Variants in EYS observed in about 807,000 individuals in gnomAD.
EYS encodes the protein protein eyes shut homolog.
A neutral mutation model predicts 282.1 loss-of-function variants in EYS; 250 were observed. That is an observed-to-expected ratio of 0.89 (90% CI 0.80 to 0.98). The LOEUF is 0.98. Ranked by LOEUF, EYS falls within the 50% of genes least tolerant of loss-of-function variation. The probability of loss-of-function intolerance (pLI) is 0.00; values close to 1 mark genes in which losing one functional copy is unlikely to be tolerated. For missense variants in EYS, 4,016 were observed against 3,709.0 expected, an observed-to-expected ratio of 1.08 and a Z score of -2.15; for synonymous variants, 1,355 against 1,282.9, an observed-to-expected ratio of 1.06 and a Z score of -1.20.
chr6:65,258,156 T>C (rs1269663638), intron 12 of EYS, among the ~76,000 whole-genome samples: 1 of 151,986 alleles, frequency 6.6e-6, no homozygotes, highest in African/African-American at 2.4e-5. Context: ...TAAATAAAGT[T>C]TTAAATAACT....
chr6:65,186,595 C>T (rs1197028168), intron 12 of EYS, among the ~76,000 whole-genome samples: 1 of 151,626 alleles, frequency 6.6e-6, no homozygotes, highest in African/African-American at 2.4e-5. Context: ...GATAAAAGTA[C>T]TTTGGAAATG....
intron 31 of EYS, among the ~76,000 whole-genome samples, chr6:64,128,915 A>G (rs910544701): frequency 6.6e-6 from 1 of 152,198 alleles, no homozygotes; most frequent in Non-Finnish European, 1.5e-5. Context: ...ATCTAGAATA[A>G]TAGCAGTCAG....
chr6:64,213,421 G>A (rs111566899), intron 31 of EYS, among the ~76,000 whole-genome samples: 3 of 152,214 alleles, frequency 2.0e-5, no homozygotes, highest in African/African-American at 7.2e-5. Flanking sequence ...AAAATGCATA[G>A]TATTTCAAAA....
chr6:65,572,706 T>G (rs1472563082), intron 2 of EYS, among the ~76,000 whole-genome samples: 3 of 152,130 alleles, frequency 2.0e-5, no homozygotes, highest in Non-Finnish European at 4.4e-5. Context: ...TCTTGGATGT[T>G]CATACAATAA....
At position 64,912,503 on chromosome 6, in the gene EYS, C is replaced by CTGA; in HGVS notation, c.2619_2621dup (p.Asn873_Gln874insHis). 2 of 1,551,024 alleles carry CTGA rather than the reference C, an allele frequency of 1.3e-6. No homozygotes were observed. Among genetic ancestry groups the CTGA allele is most frequent in the South Asian group, 2.4e-5 (2 of 84,044 alleles). On this transcript the variant is annotated inframe_insertion, in exon 16 of 43. Transcript: ENST00000503581. ...TCTTACCTTCTCTACAAATACAATG[C>CTGA]TGATTTGCGTCTACCAAAGCTAAGC...
chr6:64,703,408 CACATATAT>C (rs1363639341), intron 22 of EYS, among the ~76,000 whole-genome samples: 1 of 31,344 alleles, frequency 3.2e-5, no homozygotes, highest in African/African-American at 8.1e-5. Flanking sequence ...CACACACACA[CACATATAT>C]ATATATATAT....
At chr6:64,658,882 G>C (rs1768872445) in intron 22 of EYS, among the ~76,000 whole-genome samples, 1 of 152,198 alleles carries the variant, frequency 6.6e-6, no homozygotes, top group Admixed American at 6.5e-5. Flanking sequence ...TCTGCACCAA[G>C]TGGACCTAAT....
intron 26 of EYS, among the ~76,000 whole-genome samples, chr6:64,503,488 G>C (rs995557775): frequency 6.6e-6 from 1 of 152,126 alleles, no homozygotes; most frequent in Non-Finnish European, 1.5e-5. Flanking sequence ...AAGTGTTCTG[G>C]TGATTGTTAA....
Position 63,726,661 on chromosome 6 carries a change from T to C in EYS, c.8091A>G (p.Pro2697=). ...YCEQALSISD[P]SFRSNELSWM... is the part of the protein sequence containing the mutation. ...AGGATAACTCATTGCTTCTGAAAGA[T>C]GGATCACTTATGGATAAAGCTGAGG... Residue 2697 remains proline, a synonymous_variant, in exon 42 of 43, where the codon CCA becomes CCG. Coordinates refer to ENST00000503581, the MANE Select transcript of EYS (RefSeq NM_001142800.2). 6.4e-7 allele frequency: 1 copy of C among 1,551,286 alleles called. No individual in the cohort carries two copies. Among genetic ancestry groups the C allele is most frequent in the Non-Finnish European group, 8.7e-7 (1 of 1,146,726 alleles).
At chr6:64,889,121 T>C (rs1172109034) in intron 18 of EYS, among the ~76,000 whole-genome samples, 4 of 152,020 alleles carry the variant, frequency 2.6e-5, no homozygotes, top group Admixed American at 6.6e-5. Flanking sequence ...TCACCACCAA[T>C]TGTTTCAATT....
chr6:63,952,564 C>A (rs576504637), intron 35 of EYS, among the ~76,000 whole-genome samples: 6 of 152,330 alleles, frequency 3.9e-5, no homozygotes, highest in Non-Finnish European at 7.3e-5. Flanking sequence ...AACTCCCCAA[C>A]TCTGGTGCCA....
intron 11 of EYS, among the ~76,000 whole-genome samples, chr6:65,332,771 C>T (rs901201669): frequency 2.0e-5 from 3 of 151,244 alleles, no homozygotes; most frequent in Non-Finnish European, 3.0e-5. Context: ...ATGAACATTT[C>T]ATAGTGTTAA....
At chr6:64,426,107 T>C (rs893859624) in intron 28 of EYS, among the ~76,000 whole-genome samples, 3 of 151,948 alleles carry the variant, frequency 2.0e-5, no homozygotes, top group Admixed American at 6.6e-5. Flanking sequence ...CAACTTACTC[T>C]TTTTGAAGCA....
intron 8 of EYS, among the ~76,000 whole-genome samples, chr6:65,382,213 G>GTTTTTTTT (rs67123749): frequency 2.9e-5 from 3 of 105,016 alleles, no homozygotes; most frequent in African/African-American, 7.4e-5. Context: ...ATCCTTTGGT[G>GTTTTTTTT]TTTTTTTTTT....
Position 64,590,854 on chromosome 6 carries a change from T to C in EYS, c.5013A>G (p.Ser1671=). 6.4e-7 allele frequency: 1 copy of C among 1,550,816 alleles called. No homozygotes were observed. The highest frequency in any genetic ancestry group is 8.7e-7 in the Non-Finnish European group (1 of 1,146,614). Residue 1671 remains serine, a synonymous_variant, in exon 26 of 43, where the codon TCA becomes TCG. Transcript: ENST00000503581. ...LDKTCLSIVP[S]QTISSDLMNS... ...TCATCAAGTCTGAAGAGATAGTTTG[T>C]GAAGGGACAATGGATAAACAAGTCT... is the stretch of plus-strand genomic sequence containing the variant.
chr6:65,474,965 G>C (rs1765344338), intron 5 of EYS, among the ~76,000 whole-genome samples: 1 of 151,960 alleles, frequency 6.6e-6, no homozygotes, highest in Admixed American at 6.6e-5. Flanking sequence ...AGGATAAGAA[G>C]AACATAGATC....
At chr6:64,787,703 T>A (rs1031320570) in intron 22 of EYS, among the ~76,000 whole-genome samples, 1 of 149,338 alleles carries the variant, frequency 6.7e-6, no homozygotes, top group African/African-American at 2.4e-5. Context: ...ATATTATTTA[T>A]AGATAATAAT....
intron 5 of EYS, among the ~76,000 whole-genome samples, chr6:65,433,663 T>C (rs1441071212): frequency 2.0e-5 from 3 of 152,102 alleles, no homozygotes; most frequent in African/African-American, 4.8e-5. Flanking sequence ...GAAGGCAAAA[T>C]AGAAATATTT....
chr6:64,590,238 G>T lies in EYS; in HGVS notation c.5629C>A (p.Arg1877=). ...AGAAACTCACCAGAAATCATCAGCC[G>T]TTGAGGTGCCAGAATGGATTCCAGT... is the stretch of plus-strand genomic sequence containing the variant. The part of the protein sequence containing the change: ...SSLESILAPQ[R]LMISDFSCVR... The change falls in exon 26 of 43, where the codon CGG becomes AGG. Residue 1877 remains arginine, a synonymous_variant. Transcript: ENST00000503581. 1 of 1,544,728 alleles carries T rather than the reference G, an allele frequency of 6.5e-7. No homozygotes were observed. The highest frequency in any genetic ancestry group is 8.7e-7 in the Non-Finnish European group (1 of 1,143,604).
Sources: gnomAD v4.1 joint callset for allele counts (sites outside exome capture counted in the v4.1 genomes callset) on GRCh38, gnomAD v4.1.1 for gene constraint, MANE v1.5 for transcripts, NCBI Gene and HGNC (gene_info 2026-07-23, HGNC 2026-07-21) for gene names.